The following BRDT variants were observed in gnomAD, a reference collection of about 807,000 sequenced individuals.
BRDT encodes bromodomain testis-specific protein.
Under a neutral mutation model 113.9 loss-of-function variants are expected in BRDT, and 77 were observed. That is an observed-to-expected ratio of 0.68 (90% CI 0.56 to 0.82). The LOEUF (loss-of-function observed/expected upper bound fraction) is 0.82, where lower values mean the gene tolerates loss of function less well. Ranked by LOEUF, BRDT falls within the 40% of genes least tolerant of loss-of-function variation. The pLI is 0.00. For missense variants in BRDT, 1,027 were observed against 1,105.4 expected, an observed-to-expected ratio of 0.93 and a Z score of 1.01; for synonymous variants, 358 against 366.5, an observed-to-expected ratio of 0.98 and a Z score of 0.26.
chr1:91,985,887 C>G (rs765354905), intron 12 of BRDT, among the ~76,000 whole-genome samples: 1 of 152,090 alleles, frequency 6.6e-6, no homozygotes, highest in Non-Finnish European at 1.5e-5. Flanking sequence ...ATCCGCCCGC[C>G]TCGGCCTCCC....
chr1:91,994,259 G>C lies in BRDT; in HGVS notation c.2287+5G>C, dbSNP rs763286988. ...TACAAATTCTGCCTCCCTCAGGTAA[G>C]AAATTAACAAGTAAACAACTGTTAT... On this transcript the variant is annotated splice_donor_5th_base_variant and intron_variant, in intron 15 of 18. Transcript: ENST00000399546. 10 of 1,592,804 alleles carry C rather than the reference G, an allele frequency of 6.3e-6. No homozygotes were observed. In the East Asian group the frequency reaches 1.8e-4, roughly 29 times the overall value.
At chr1:92,008,545 T>C (rs1687536256) in intron 18 of BRDT, among the ~76,000 whole-genome samples, 1 of 152,194 alleles carries the variant, frequency 6.6e-6, no homozygotes, top group Non-Finnish European at 1.5e-5. Context: ...TACATTAGGA[T>C]TCATTCTTCG....
In BRDT at chr1:91,995,507, G is replaced by C. The variant is rs905687570; in HGVS notation, c.2287+1253G>C. Among the ~76,000 whole-genome samples, 7 of 151,974 alleles carry C rather than the reference G, an allele frequency of 4.6e-5. 1 individual carries two copies. The highest frequency in any genetic ancestry group is 3.3e-4 in the Admixed American group (5 of 15,254). On this transcript the variant is annotated intron_variant, in intron 15 of 18. Coordinates refer to ENST00000399546, the MANE Select transcript of BRDT (RefSeq NM_207189.4). ...GAGTCTCGCTCTGTCTTGCAGGTGGGAGTGCAGTGGCACAATCTTGGCTCA... is the reference window on the plus strand; with the variant it reads ...GAGTCTCGCTCTGTCTTGCAGGTGGCAGTGCAGTGGCACAATCTTGGCTCA...
intron 18 of BRDT, among the ~76,000 whole-genome samples, chr1:92,011,158 G>A (rs927918498): frequency 1.3e-5 from 2 of 152,142 alleles, no homozygotes; most frequent in African/African-American, 2.4e-5. Flanking sequence ...TGTCAGCCAC[G>A]TATTTTATAA....
At chr1:92,004,332 C>A in intron 16 of BRDT, 82 bp from the exon 17 acceptor site, 1 of 882,958 alleles carries the variant, frequency 1.1e-6, no homozygotes, top group Non-Finnish European at 1.7e-6. Context: ...AGATCTATTG[C>A]TGTATCATCA....
rs140442974 is a variant in BRDT, at chr1:91,950,732, G to A, written c.-38+1050G>A. On this transcript the variant is annotated intron_variant, in intron 1 of 18. Coordinates refer to ENST00000399546, the MANE Select transcript of BRDT (RefSeq NM_207189.4). The stretch of plus-strand genomic sequence containing the variant: ...TTAATACAGATAGCTGCTATGGCTG[G>A]GCGATCTCAGAGGATCGCCTGAGTC... The A allele has an allele frequency of 2.5e-3, 343 of 134,564 alleles. 2 individuals carry two copies. Among genetic ancestry groups the A allele is most frequent in the African/African-American group, 9.0e-3 (330 of 36,688 alleles). 8.3% of individuals were successfully genotyped at this position (134,564 alleles called of 1,614,324 possible).
At chr1:91,957,283 G>A (rs1268780366) in intron 1 of BRDT, among the ~76,000 whole-genome samples, 1 of 152,138 alleles carries the variant, frequency 6.6e-6, no homozygotes, top group Non-Finnish European at 1.5e-5. Context: ...CACGAGGTCA[G>A]GAGATGGAGA....
intron 16 of BRDT, among the ~76,000 whole-genome samples, chr1:92,003,405 C>A (rs1687025290): frequency 6.6e-6 from 1 of 152,036 alleles, no homozygotes; most frequent in African/African-American, 2.4e-5. Flanking sequence ...TATTGCACAG[C>A]CCTCTTTCCG....
chr1:91,984,902 G>GTGC (rs1444351139), intron 12 of BRDT, among the ~76,000 whole-genome samples: 2 of 152,284 alleles, frequency 1.3e-5, no homozygotes, highest in African/African-American at 4.8e-5. Context: ...GCCTCCCAAA[G>GTGC]TGCTGGGATT....
rs1341326448 is a variant in BRDT, at chr1:91,981,322, T to A, written c.1805T>A (p.Leu602Ter). The A allele has an allele frequency of 6.2e-7, 1 of 1,614,006 alleles. No homozygotes were observed. The highest frequency in any genetic ancestry group is 8.5e-7 in the Non-Finnish European group (1 of 1,180,006). ...EELHSQKKQE[L>*]EKRLLDVNNQ... The stretch of plus-strand genomic sequence containing the variant: ...CTTCACTCACAGAAAAAACAGGAAT[T>A]GGAAAAGCGGTTACTGGATGTTAAT... The change falls in exon 11 of 19, where the codon TTG becomes TAG. Residue 602 changes from leucine (L) to a stop codon, truncating the protein, a stop_gained. Transcript: ENST00000399546. LOFTEE classifies it high-confidence loss of function.
intron 4 of BRDT, among the ~76,000 whole-genome samples, chr1:91,969,865 G>A (rs1014105162): frequency 3.4e-5 from 4 of 117,824 alleles, no homozygotes; most frequent in Admixed American, 1.2e-4. Context: ...TTTCACTCTC[G>A]TTGCCCAGGC....
intron 15 of BRDT, among the ~76,000 whole-genome samples, chr1:91,997,520 G>T (rs1278375582): frequency 6.6e-6 from 1 of 152,132 alleles, no homozygotes; most frequent in East Asian, 1.9e-4. Flanking sequence ...GAATGCTAGG[G>T]TAGCCTTGCC....
At chr1:91,963,823 G>A (rs1682766045) in intron 2 of BRDT, among the ~76,000 whole-genome samples, 1 of 131,912 alleles carries the variant, frequency 7.6e-6, no homozygotes, top group African/African-American at 2.9e-5. Context: ...TAAAAATAAT[G>A]CCACAGCAGT....
At chr1:91,968,999 C>T (rs570004027) in intron 4 of BRDT, among the ~76,000 whole-genome samples, 6 of 151,950 alleles carry the variant, frequency 3.9e-5, no homozygotes, top group South Asian at 4.2e-4. Context: ...TGCAGTAGTG[C>T]GATCTCGGCT....
rs202030736 is a variant in BRDT at position 91,976,437 on chromosome 1, A to G, written c.617A>G (p.Gln206Arg). The change falls in exon 5 of 19, where the codon CAA becomes CGA. Residue 206 changes from glutamine to arginine, a missense_variant and splice_region_variant. Gln to Arg is a conservative substitution (Grantham distance 43). Coordinates refer to ENST00000399546, the MANE Select transcript of BRDT (RefSeq NM_207189.4). ...SVNSSSQTAA[Q>R]VTKGVKRKAD... ...AACTCCAGTTCACAAACTGCGGCCC[A>G]AGTAAGTTTGTTGTAGTTTTTAAAT... The G allele has an allele frequency of 7.8e-6, 12 of 1,536,972 alleles. No individual in the cohort carries two copies. The African/African-American group carries it at 1.7e-4, about 22-fold the overall frequency.
chr1:91,967,463 A>G (rs948477401), intron 3 of BRDT, among the ~76,000 whole-genome samples: 12 of 151,102 alleles, frequency 7.9e-5, no homozygotes, highest in Admixed American at 6.0e-4. Flanking sequence ...CGATGGCACT[A>G]TCTCAGCTCA....
intron 4 of BRDT, among the ~76,000 whole-genome samples, chr1:91,975,520 G>A (rs968723101): frequency 6.6e-6 from 1 of 152,304 alleles, no homozygotes; most frequent in Admixed American, 6.5e-5. Flanking sequence ...GTGCACTGAT[G>A]ATGCCTTGGG....
chr1:91,971,857 C>CA (rs1369544348), intron 4 of BRDT, among the ~76,000 whole-genome samples: 1 of 152,174 alleles, frequency 6.6e-6, no homozygotes, highest in Non-Finnish European at 1.5e-5. Flanking sequence ...CTTGCCATCT[C>CA]AACCATTTTA....
chr1:92,006,967 T>G (rs1687370939), intron 18 of BRDT, among the ~76,000 whole-genome samples: 1 of 152,038 alleles, frequency 6.6e-6, no homozygotes, highest in Non-Finnish European at 1.5e-5. Flanking sequence ...TTTTGTATTT[T>G]TAGTAGAGAC....
Sources: allele counts gnomAD v4.1 joint callset (sites outside exome capture counted in the v4.1 genomes callset), GRCh38; gene constraint gnomAD v4.1.1; transcripts MANE v1.5; gene names NCBI Gene and HGNC (gene_info 2026-07-23, HGNC 2026-07-21).